Variants in ARMH4 observed in about 807,000 individuals in gnomAD.
ARMH4 encodes the protein armadillo-like helical domain-containing protein 4.
A neutral mutation model predicts 61.9 loss-of-function variants in ARMH4; 49 were observed. That is an observed-to-expected ratio of 0.79 (90% CI 0.63 to 1.00). ARMH4 has a LOEUF of 1.00. ARMH4 is among the 50% of genes least tolerant of loss of function. The pLI, the probability that ARMH4 is intolerant of heterozygous loss-of-function variation, is 0.00. For synonymous variants in ARMH4, 368 were observed against 341.5 expected (o/e 1.08, Z -0.85); for missense variants, 934 against 930.0 (o/e 1.00, Z -0.06).
chr14:58,142,486 C>T (rs75876742), intron 1 of ARMH4, among the ~76,000 whole-genome samples: 1 of 150,998 alleles, frequency 6.6e-6, no homozygotes, highest in East Asian at 1.9e-4. Context: ...CTTTTCTTTT[C>T]TTTTTTCTTT....
chr14:58,013,869 C>G (rs1428495492), intron 5 of ARMH4, among the ~76,000 whole-genome samples: 1 of 151,582 alleles, frequency 6.6e-6, no homozygotes, highest in Non-Finnish European at 1.5e-5. Flanking sequence ...ACTAAAAATA[C>G]AAAAAAAATT....
intron 5 of ARMH4, among the ~76,000 whole-genome samples, chr14:58,016,859 C>T (rs1357948255): frequency 6.6e-6 from 1 of 152,166 alleles, no homozygotes; most frequent in Non-Finnish European, 1.5e-5. Flanking sequence ...ATGACAAGCC[C>T]ACAGCTAATA....
chr14:58,071,073 T>C (rs570953838), intron 5 of ARMH4, among the ~76,000 whole-genome samples: 13 of 151,688 alleles, frequency 8.6e-5, no homozygotes, highest in African/African-American at 2.7e-4. Context: ...CCTTTTATAA[T>C]GTGAAAAATA....
At chr14:58,051,838 G>A (rs976551484) in intron 5 of ARMH4, among the ~76,000 whole-genome samples, 4 of 152,166 alleles carry the variant, frequency 2.6e-5, no homozygotes, top group Admixed American at 1.3e-4. Context: ...ACAGTGGCAT[G>A]CTGCTTCCCC....
chr14:58,086,368 G>C (rs1441728604), intron 5 of ARMH4, among the ~76,000 whole-genome samples: 1 of 152,104 alleles, frequency 6.6e-6, no homozygotes, highest in Non-Finnish European at 1.5e-5. Flanking sequence ...ATAGTTAGTG[G>C]ATTACTAAAG....
At chr14:58,148,449 T>TC (rs922818880) in intron 1 of ARMH4, among the ~76,000 whole-genome samples, 1 of 152,194 alleles carries the variant, frequency 6.6e-6, no homozygotes, top group African/African-American at 2.4e-5. Context: ...GCCCATTCTT[T>TC]CCCCACCCTT....
chr14:58,007,316 C>T (rs1237773829), intron 6 of ARMH4, among the ~76,000 whole-genome samples: 1 of 152,144 alleles, frequency 6.6e-6, no homozygotes. Context: ...AAGCCTTTTA[C>T]TTATGGAGCT....
rs769329066 is a variant in ARMH4, at chr14:58,132,679, G to A, written c.1621+411C>T. ...CCGCTCCCTGCAAGCTCCGCCCCCCGGGTTCACACCATTCTCCTGCCTCAG... is the reference window on the plus strand; with the variant it reads ...CCGCTCCCTGCAAGCTCCGCCCCCCAGGTTCACACCATTCTCCTGCCTCAG... On this transcript the variant is annotated intron_variant, in intron 3 of 7. Transcript: ENST00000267485. 3.8e-4 allele frequency among the ~76,000 whole-genome samples: 52 copies of A among 136,864 alleles called. 1 individual carries two copies. The highest frequency in any genetic ancestry group is 5.2e-4 in the South Asian group (2 of 3,860). 89.8% of individuals were successfully genotyped at this position (136,864 alleles called of 152,430 possible). A position where few individuals can be genotyped will look rare whatever the true frequency, so the allele number is the denominator to read the frequency against.
intron 5 of ARMH4, among the ~76,000 whole-genome samples, chr14:58,067,810 T>G (rs1306810788): frequency 6.6e-6 from 1 of 152,190 alleles, no homozygotes; most frequent in Non-Finnish European, 1.5e-5. Context: ...GACTTGCTTT[T>G]AGGAGGTGAT....
intron 5 of ARMH4, among the ~76,000 whole-genome samples, chr14:58,024,068 G>A (rs145469910): frequency 8.5e-5 from 13 of 152,306 alleles, no homozygotes; most frequent in Non-Finnish European, 8.8e-5. Flanking sequence ...AATAGCCAGT[G>A]AGCATTGACT....
chr14:58,145,198 G>GT (rs76921892), intron 1 of ARMH4, among the ~76,000 whole-genome samples: 63,836 of 151,886 alleles, frequency 0.42, 14,797 homozygotes, highest in Non-Finnish European at 0.54. Context: ...ACTTGGGCTG[G>GT]CATCAGAAAA....
At position 58,099,605 on chromosome 14, in the gene ARMH4, A is replaced by G. The variant is rs1233225268; in HGVS notation, c.1832-2624T>C. 3.3e-5 allele frequency among the ~76,000 whole-genome samples: 5 copies of G among 152,212 alleles called. No individual in the cohort carries two copies. The East Asian group carries it at 9.6e-4, about 29-fold the overall frequency. ...CACAACAAACAAACAAAAAATTCTT[A>G]CCAGAAATTTGGCTAAAAGGAGAAC... is the stretch of plus-strand genomic sequence containing the variant. On this transcript the variant is annotated intron_variant, in intron 4 of 7. Transcript: ENST00000267485.
chr14:58,139,295 C>T lies in ARMH4; in HGVS notation c.64G>A (p.Ala22Thr). ...AFCSLLLFSV[A>T]TQCLAFPKIE... is the part of the protein sequence containing the mutation. ...TTGGGGAAGGCCAGACATTGTGTGG[C>T]AACGCTGAAAAGCAGAAGGCTACAG... is the stretch of plus-strand genomic sequence containing the variant. The change falls in exon 2 of 8, where the codon GCC becomes ACC. Residue 22 changes from alanine to threonine, a missense_variant. Physicochemically the swap from Ala to Thr is moderately conservative, Grantham distance 58 (BLOSUM62 0). Transcript: ENST00000267485. The T allele has an allele frequency of 6.2e-7, 1 of 1,614,130 alleles. No homozygotes were observed. Among genetic ancestry groups the T allele is most frequent in the Non-Finnish European group, 8.5e-7 (1 of 1,180,034 alleles).
At chr14:58,084,008 G>C (rs1885306471) in intron 5 of ARMH4, among the ~76,000 whole-genome samples, 2 of 152,138 alleles carry the variant, frequency 1.3e-5, no homozygotes, top group African/African-American at 4.8e-5. Flanking sequence ...TGAATTATTG[G>C]TGGCCCATCA....
chr14:58,004,632 C>T lies in ARMH4; in HGVS notation c.*104G>A. On this transcript the variant is annotated 3_prime_UTR_variant, in exon 8 of 8. Transcript: ENST00000267485. ...ACCCAGCAGACACTAGGACTAACGG[C>T]CTGATAGCAGCAATGTGGCAGGTTG... 1 of 979,848 alleles carries T rather than the reference C, an allele frequency of 1.0e-6. No homozygotes were observed. Among genetic ancestry groups the T allele is most frequent in the Admixed American group, 2.0e-5 (1 of 49,328 alleles). 60.7% of individuals were successfully genotyped at this position (979,848 alleles called of 1,614,324 possible).
intron 5 of ARMH4, among the ~76,000 whole-genome samples, chr14:58,067,695 CT>C (rs1475653885): frequency 6.6e-6 from 1 of 152,156 alleles, no homozygotes; most frequent in East Asian, 1.9e-4. Flanking sequence ...AATGTTTTTG[CT>C]TTGAGTATAT....
intron 5 of ARMH4, among the ~76,000 whole-genome samples, chr14:58,061,681 C>T (rs1414056605): frequency 6.6e-6 from 1 of 152,100 alleles, no homozygotes; most frequent in African/African-American, 2.4e-5. Flanking sequence ...GGGTTTTTTG[C>T]AGCACCTTAT....
At chr14:58,007,628 T>G (rs766637486) in intron 6 of ARMH4, among the ~76,000 whole-genome samples, 5 of 152,218 alleles carry the variant, frequency 3.3e-5, no homozygotes, top group Admixed American at 6.5e-5. Flanking sequence ...CAAAACTGAC[T>G]AAGGGAAAAT....
At chr14:58,110,692 CATG>C (rs1886326627) in intron 4 of ARMH4, among the ~76,000 whole-genome samples, 1 of 152,058 alleles carries the variant, frequency 6.6e-6, no homozygotes, top group African/African-American at 2.4e-5. Flanking sequence ...ATACAGCCTG[CATG>C]ATATCAATTC....
Sources: allele counts gnomAD v4.1 joint callset (sites outside exome capture counted in the v4.1 genomes callset), GRCh38; gene constraint gnomAD v4.1.1; transcripts MANE v1.5; gene names NCBI Gene and HGNC (gene_info 2026-07-23, HGNC 2026-07-21).